CA10: variants seen among roughly 807,000 people sequenced by gnomAD.
The protein encoded by CA10 is carbonic anhydrase 10 (inactive).
A neutral mutation model predicts 44.2 loss-of-function variants in CA10; 14 were observed. That is an observed-to-expected ratio of 0.32 (90% confidence interval 0.21 to 0.50). The LOEUF is 0.50. Ranked by LOEUF, CA10 falls within the 20% of genes least tolerant of loss-of-function variation. The pLI is 0.99. For missense variants in CA10, 350 were observed against 409.7 expected (o/e 0.85, Z 1.26); for synonymous variants, 159 against 141.6 (o/e 1.12, Z -0.87).
intron 4 of CA10, among the ~76,000 whole-genome samples, chr17:51,746,918 G>A (rs1248032085): frequency 2.0e-5 from 3 of 152,172 alleles, no homozygotes; most frequent in Non-Finnish European, 4.4e-5. Flanking sequence ...CAGAAACCTA[G>A]TCACAGGGCA....
At chr17:52,152,262 C>T (rs1449376451) in intron 1 of CA10, among the ~76,000 whole-genome samples, 2 of 152,060 alleles carry the variant, frequency 1.3e-5, no homozygotes, top group South Asian at 2.1e-4. Context: ...TCCATTGAAC[C>T]GTTGCAAAGA....
At chr17:51,946,579 C>A (rs1983281492) in intron 2 of CA10, among the ~76,000 whole-genome samples, 1 of 152,114 alleles carries the variant, frequency 6.6e-6, no homozygotes, top group Non-Finnish European at 1.5e-5. Context: ...TGTCCTGGTG[C>A]TTTCCTTTCT....
chr17:51,682,049 A>G (rs1197236642), intron 4 of CA10, among the ~76,000 whole-genome samples: 1 of 152,198 alleles, frequency 6.6e-6, no homozygotes, highest in Admixed American at 6.5e-5. Context: ...ACAACATACC[A>G]TGTTTTCCCC....
chr17:52,086,659 T>C (rs1176976041), intron 1 of CA10, among the ~76,000 whole-genome samples: 1 of 152,166 alleles, frequency 6.6e-6, no homozygotes, highest in East Asian at 1.9e-4. Context: ...TGAAGAGAAT[T>C]TGAAAGTTTT....
chr17:51,982,768 A>T (rs1382136746), intron 2 of CA10, among the ~76,000 whole-genome samples: 3 of 151,842 alleles, frequency 2.0e-5, no homozygotes, highest in Admixed American at 6.6e-5. Context: ...ATATTTGCTC[A>T]TGTCTCTTTT....
chr17:52,150,718 G>A (rs1989685453), intron 1 of CA10, among the ~76,000 whole-genome samples: 1 of 152,124 alleles, frequency 6.6e-6, no homozygotes, highest in Admixed American at 6.5e-5. Context: ...TCTGTTTTAT[G>A]TCAAATAGTG....
At position 52,090,387 on chromosome 17, in the gene CA10, TATG is replaced by T. The variant is rs567067198; in HGVS notation, c.62-17997_62-17995del. ...AACTTTATAAAGTTATAATAACTAA[TATG>T]ATGAGGTATTGATAAGTAATTGACA... is the stretch of plus-strand genomic sequence containing the variant. On this transcript the variant is annotated intron_variant, in intron 1 of 8. Coordinates refer to ENST00000451037, the MANE Select transcript of CA10 (RefSeq NM_020178.5). Among the ~76,000 whole-genome samples, 984 of 152,264 alleles carry T rather than the reference TATG, an allele frequency of 6.5e-3. 7 individuals carry two copies. The highest frequency in any genetic ancestry group is 0.01 in the Admixed American group (154 of 15,290).
intron 3 of CA10, among the ~76,000 whole-genome samples, chr17:51,854,945 C>T (rs1220303019): frequency 1.3e-5 from 2 of 152,158 alleles, no homozygotes; most frequent in East Asian, 3.8e-4. Flanking sequence ...AATGGAGGCA[C>T]AGGGAGATTG....
At chr17:51,735,860 T>C (rs749599118) in intron 4 of CA10, among the ~76,000 whole-genome samples, 10 of 150,808 alleles carry the variant, frequency 6.6e-5, no homozygotes, top group Non-Finnish European at 1.3e-4. Context: ...ACTGTATAAG[T>C]CCACGGATTG....
chr17:51,757,289 T>A (rs1905102471), intron 3 of CA10, among the ~76,000 whole-genome samples: 1 of 151,926 alleles, frequency 6.6e-6, no homozygotes, highest in Admixed American at 6.6e-5. Flanking sequence ...GAAAAAAAAA[T>A]TAGTACCAAA....
chr17:51,730,427 A>G (rs1284945328), intron 4 of CA10, among the ~76,000 whole-genome samples: 1 of 152,194 alleles, frequency 6.6e-6, no homozygotes, highest in African/African-American at 2.4e-5. Context: ...CTTTTTGGGC[A>G]TTATTTCCTC....
intron 3 of CA10, among the ~76,000 whole-genome samples, chr17:51,852,349 A>G (rs986979219): frequency 3.3e-5 from 5 of 152,200 alleles, no homozygotes; most frequent in Non-Finnish European, 5.9e-5. Flanking sequence ...ATCAATTGCC[A>G]GAGAAACTGC....
chr17:51,639,328 G>A (rs1417558466), intron 6 of CA10, among the ~76,000 whole-genome samples: 2 of 152,106 alleles, frequency 1.3e-5, no homozygotes, highest in African/African-American at 4.8e-5. Context: ...GAAGGGGGAA[G>A]TAGAAAGAGA....
Position 51,830,213 on chromosome 17 carries a change from A to C in CA10, c.280-82395T>G, listed in dbSNP as rs971123597. On this transcript the variant is annotated intron_variant, in intron 3 of 8. Transcript: ENST00000451037. ...TCCATCTCAAAAAAAAAAAAAAAAA[A>C]AAAGAAAAAGAAAAAAAAGAAAAAA... Among the ~76,000 whole-genome samples, 179 of 149,818 alleles carry C rather than the reference A, an allele frequency of 1.2e-3. 3 individuals are homozygous for C. The highest frequency in any genetic ancestry group is 1.4e-3 in the Non-Finnish European group (97 of 67,078).
intron 4 of CA10, among the ~76,000 whole-genome samples, chr17:51,726,254 C>A (rs1189419936): frequency 6.6e-6 from 1 of 152,242 alleles, no homozygotes; most frequent in Non-Finnish European, 1.5e-5. Context: ...AGAGGCTGAT[C>A]TACACTATTC....
intron 6 of CA10, among the ~76,000 whole-genome samples, chr17:51,644,558 C>T (rs1047449031): frequency 1.4e-4 from 21 of 152,182 alleles, no homozygotes; most frequent in Non-Finnish European, 2.9e-4. Context: ...CTCATATATC[C>T]AACTGCCTAC....
Position 51,875,977 on chromosome 17 carries a change from C to A in CA10, c.279+55013G>T, listed in dbSNP as rs552113510. Among the ~76,000 whole-genome samples, 4 of 152,100 alleles carry A rather than the reference C, an allele frequency of 2.6e-5. No homozygotes were observed. The East Asian group carries it at 7.7e-4, about 29-fold the overall frequency. On this transcript the variant is annotated intron_variant, in intron 3 of 8. Transcript: ENST00000451037. The stretch of plus-strand genomic sequence containing the variant: ...CCTTTGAGATTCATATATGCTATTG[C>A]ATTTATCAATAGTTCATTTCTTTTT...
At chr17:51,809,990 GAAGGGA>G (rs1305970284) in intron 3 of CA10, among the ~76,000 whole-genome samples, 3 of 152,188 alleles carry the variant, frequency 2.0e-5, no homozygotes. Flanking sequence ...ATCCATCTTG[GAAGGGA>G]AATGGGTCCA....
At chr17:51,749,464 G>C (rs9891580) in intron 3 of CA10, among the ~76,000 whole-genome samples, 1 of 152,180 alleles carries the variant, frequency 6.6e-6, no homozygotes, top group Non-Finnish European at 1.5e-5. Context: ...AGGAGAGGCC[G>C]TCTAGACGGG....
Sources: gnomAD v4.1 joint callset for allele counts (sites outside exome capture counted in the v4.1 genomes callset) on GRCh38, gnomAD v4.1.1 for gene constraint, MANE v1.5 for transcripts, NCBI Gene and HGNC (gene_info 2026-07-23, HGNC 2026-07-21) for gene names.